KIF6: variants seen among roughly 807,000 people sequenced by gnomAD.
KIF6 encodes kinesin-like protein KIF6.
A neutral mutation model predicts 112.7 loss-of-function variants in KIF6; 106 were observed. The observed-to-expected ratio is 0.94, with a 90% CI of 0.80 to 1.11. The LOEUF is 1.11. Ranked by LOEUF, KIF6 falls within the 50% of genes least tolerant of loss-of-function variation. The pLI, the probability that KIF6 is intolerant of heterozygous loss-of-function variation, is 0.00. For synonymous variants in KIF6, 339 were observed against 339.9 expected, an observed-to-expected ratio of 1.00 and a Z score of 0.03; for missense variants, 929 against 964.0, an observed-to-expected ratio of 0.96 and a Z score of 0.48.
At chr6:39,520,020 T>C (rs2150523886) in intron 13 of KIF6, among the ~76,000 whole-genome samples, 1 of 152,212 alleles carries the variant, frequency 6.6e-6, no homozygotes, top group African/African-American at 2.4e-5. Context: ...AAACTCCATC[T>C]CGAACAAACA....
chr6:39,652,693 A>G (rs1176603223), intron 3 of KIF6, among the ~76,000 whole-genome samples: 2 of 152,124 alleles, frequency 1.3e-5, no homozygotes, highest in East Asian at 1.9e-4. Context: ...TTCCTCTTTC[A>G]TTCTCTAGGC....
chr6:39,698,031 C>A (rs1240199896), intron 3 of KIF6, among the ~76,000 whole-genome samples: 4 of 152,152 alleles, frequency 2.6e-5, no homozygotes, highest in African/African-American at 9.7e-5. Flanking sequence ...ATTGGGAAAT[C>A]TTTGCAGCAT....
At position 39,540,088 on chromosome 6, in the gene KIF6, T is replaced by C. The variant is rs1778702692; in HGVS notation, c.1560A>G (p.Gln520=). Residue 520 remains glutamine (Q), a synonymous_variant, in exon 13 of 23, where the codon CAA becomes CAG. Coordinates refer to ENST00000287152, the MANE Select transcript of KIF6 (RefSeq NM_145027.6). Reference sequence around the variant, plus strand: ...AGGGAGCTGAGGATAGTCGCATTCTTTGACCTTCTTCTGGGTTTCCTAGGC... The same window carrying C: ...AGGGAGCTGAGGATAGTCGCATTCTCTGACCTTCTTCTGGGTTTCCTAGGC... ...PFRLGNPEEG[Q]RMRLSSAPSQ... The C allele has an allele frequency of 6.2e-7, 1 of 1,614,164 alleles. No individual in the cohort carries two copies. The highest frequency in any genetic ancestry group is 8.5e-7 in the Non-Finnish European group (1 of 1,180,008).
chr6:39,536,706 C>T lies in KIF6; in HGVS notation c.1645+3297G>A, dbSNP rs1308586389. Among the ~76,000 whole-genome samples, 14 of 151,240 alleles carry T rather than the reference C, an allele frequency of 9.3e-5. No homozygotes were observed. In the East Asian group the frequency reaches 2.1e-3, roughly 23 times the overall value. ...TAGAAAAAGAGGGAATCCTCCCTAA[C>T]TCATTTTATGAGGCCAGCATCATCC... On this transcript the variant is annotated intron_variant, in intron 13 of 22. Transcript: ENST00000287152.
At chr6:39,697,963 C>G (rs1348801181) in intron 3 of KIF6, among the ~76,000 whole-genome samples, 1 of 152,156 alleles carries the variant, frequency 6.6e-6, no homozygotes, top group Non-Finnish European at 1.5e-5. Flanking sequence ...ATCTCCTTAG[C>G]ACCTTACATT....
At chr6:39,448,818 C>G (rs1772501431) in intron 13 of KIF6, among the ~76,000 whole-genome samples, 1 of 152,214 alleles carries the variant, frequency 6.6e-6, no homozygotes, top group African/African-American at 2.4e-5. Flanking sequence ...GGCCACTCCA[C>G]TGGGAATCCT....
At chr6:39,537,590 T>G (rs1778519885) in intron 13 of KIF6, among the ~76,000 whole-genome samples, 1 of 151,942 alleles carries the variant, frequency 6.6e-6, no homozygotes, top group African/African-American at 2.4e-5. Context: ...TGGAAGAACA[T>G]TCCATGCTCA....
intron 2 of KIF6, chr6:39,715,072 C>T: frequency 4.7e-6 from 1 of 213,020 alleles, no homozygotes; most frequent in Non-Finnish European, 9.3e-6. Context: ...ACAGTGTCTA[C>T]AATTGGCAAG....
chr6:39,482,262 T>G (rs1198320238), intron 13 of KIF6, among the ~76,000 whole-genome samples: 1 of 152,214 alleles, frequency 6.6e-6, no homozygotes, highest in Non-Finnish European at 1.5e-5. Flanking sequence ...TAGATCAAAC[T>G]GAAATTCAAA....
At chr6:39,460,536 T>TAAAAAAAAAAAAAAAAAAAAAG (rs1773406097) in intron 13 of KIF6, among the ~76,000 whole-genome samples, 1 of 57,078 alleles carries the variant, frequency 1.8e-5, no homozygotes, top group African/African-American at 7.3e-5. Flanking sequence ...AAAAAAAAAG[T>TAAAAAAAAAAAAAAAAAAAAAG]AAAAAAAAAA....
intron 13 of KIF6, among the ~76,000 whole-genome samples, chr6:39,461,677 A>T (rs1337324070): frequency 6.6e-6 from 1 of 152,210 alleles, no homozygotes; most frequent in East Asian, 1.9e-4. Flanking sequence ...TTCTTACAGC[A>T]CATCTTAATT....
At chr6:39,402,907 A>T (rs1768811919) in intron 15 of KIF6, among the ~76,000 whole-genome samples, 2 of 152,192 alleles carry the variant, frequency 1.3e-5, no homozygotes, top group Admixed American at 1.3e-4. Context: ...GAAGCCCTCA[A>T]TTTCCTACTT....
At chr6:39,542,739 T>C (rs1778856134) in intron 12 of KIF6, among the ~76,000 whole-genome samples, 1 of 152,192 alleles carries the variant, frequency 6.6e-6, no homozygotes, top group Non-Finnish European at 1.5e-5. Context: ...TCCAATTACA[T>C]CACACTCCGC....
intron 13 of KIF6, among the ~76,000 whole-genome samples, chr6:39,498,784 C>T (rs941212523): frequency 6.6e-6 from 1 of 152,004 alleles, no homozygotes; most frequent in African/African-American, 2.4e-5. Flanking sequence ...TAGGTTCTAA[C>T]AGCATTTTAA....
At chr6:39,375,992 G>A (rs1315961180) in intron 16 of KIF6, among the ~76,000 whole-genome samples, 2 of 152,184 alleles carry the variant, frequency 1.3e-5, no homozygotes, top group Non-Finnish European at 2.9e-5. Flanking sequence ...GAACTGGCAG[G>A]GAAATGGTGT....
intron 13 of KIF6, among the ~76,000 whole-genome samples, chr6:39,519,699 G>A (rs56951565): frequency 4.7e-5 from 7 of 150,286 alleles, no homozygotes; most frequent in African/African-American, 1.7e-4. Flanking sequence ...ATCCCACCCC[G>A]CTCCAAACAA....
chr6:39,555,707 C>T (rs1779667889), intron 10 of KIF6, among the ~76,000 whole-genome samples: 1 of 152,016 alleles, frequency 6.6e-6, no homozygotes, highest in Non-Finnish European at 1.5e-5. Flanking sequence ...AATCCCAGCA[C>T]TTTGGGAGGC....
At chr6:39,570,576 A>G (rs1238210855) in intron 10 of KIF6, among the ~76,000 whole-genome samples, 1 of 152,170 alleles carries the variant, frequency 6.6e-6, no homozygotes, top group Non-Finnish European at 1.5e-5. Context: ...GTCCCCACTC[A>G]AATCTCATCT....
chr6:39,360,534 C>T lies in KIF6; in HGVS notation c.1947-4G>A, dbSNP rs201403179. ...GCGAGTGAACATTGTTTTATACCTG[C>T]GGTGGAATCGGGGAAGAGTCAGGGC... is the stretch of plus-strand genomic sequence containing the variant. On this transcript the variant is annotated splice_region_variant and splice_polypyrimidine_tract_variant and intron_variant, in intron 17 of 22. Coordinates refer to ENST00000287152, the MANE Select transcript of KIF6 (RefSeq NM_145027.6). 1.5e-4 allele frequency: 237 copies of T among 1,614,136 alleles called. 1 individual carries two copies. The African/African-American group carries it at 2.4e-3, about 16-fold the overall frequency.
Sources: allele counts gnomAD v4.1 joint callset (sites outside exome capture counted in the v4.1 genomes callset), GRCh38; gene constraint gnomAD v4.1.1; transcripts MANE v1.5; gene names NCBI Gene and HGNC (gene_info 2026-07-23, HGNC 2026-07-21).